DNAJC16: variants seen among roughly 807,000 people sequenced by gnomAD.
DNAJC16 encodes the protein dnaJ homolog subfamily C member 16.
A neutral mutation model predicts 92.7 loss-of-function variants in DNAJC16; 76 were observed. The observed-to-expected ratio is 0.82, with a 90% CI of 0.68 to 0.99. DNAJC16 has a LOEUF of 0.99. Ranked by LOEUF, DNAJC16 falls within the 50% of genes least tolerant of loss-of-function variation. The probability of loss-of-function intolerance (pLI) is 0.00; values close to 1 mark genes in which losing one functional copy is unlikely to be tolerated. For missense variants in DNAJC16, 869 were observed against 942.4 expected, an observed-to-expected ratio of 0.92 and a Z score of 1.02; for synonymous variants, 328 against 358.7, an observed-to-expected ratio of 0.91 and a Z score of 0.97.
intron 11 of DNAJC16, 116 bp from the exon 12 acceptor site, chr1:15,565,803 A>G (rs1438898639): frequency 8.1e-6 from 8 of 991,786 alleles, no homozygotes; most frequent in Non-Finnish European, 1.2e-5. Flanking sequence ...TTTGCCTGAA[A>G]TTAGTAAGCG....
At chr1:15,567,310 GA>G in intron 14 of DNAJC16, 41 bp downstream of exon 14, 2 of 1,578,594 alleles carry the variant, frequency 1.3e-6, no homozygotes, top group South Asian at 1.1e-5. Context: ...GTGTGTGAGA[GA>G]GAGAGAGGCA....
At chr1:15,566,424 G>T in intron 13 of DNAJC16, 1 of 505,930 alleles carries the variant, frequency 2.0e-6, no homozygotes, top group Non-Finnish European at 3.5e-6. Context: ...AGTGTTAGGT[G>T]AGCCAGAAGC....
At chr1:15,540,546 A>G (rs1040563373) in intron 4 of DNAJC16, among the ~76,000 whole-genome samples, 3 of 152,004 alleles carry the variant, frequency 2.0e-5, no homozygotes, top group Admixed American at 2.0e-4. Context: ...CAACTCTGTC[A>G]CCCTGGGACT....
At chr1:15,551,150 G>A (rs560357332) in intron 7 of DNAJC16, among the ~76,000 whole-genome samples, 11 of 152,314 alleles carry the variant, frequency 7.2e-5, no homozygotes, top group African/African-American at 2.4e-4. Context: ...GATTACAGGC[G>A]TGAGCCTCCG....
intron 7 of DNAJC16, among the ~76,000 whole-genome samples, chr1:15,557,042 A>G (rs187826594): frequency 1.7e-4 from 26 of 152,348 alleles, no homozygotes; most frequent in Non-Finnish European, 3.2e-4. Flanking sequence ...ATCCAACAAG[A>G]TTATGATTTC....
intron 5 of DNAJC16, among the ~76,000 whole-genome samples, chr1:15,545,202 A>C (rs1638269346): frequency 6.6e-6 from 1 of 152,206 alleles, no homozygotes; most frequent in Non-Finnish European, 1.5e-5. Flanking sequence ...TTAGGGATCA[A>C]AGTAACTAGG....
intron 3 of DNAJC16, among the ~76,000 whole-genome samples, chr1:15,535,440 A>AG (rs1710756965): frequency 6.6e-6 from 1 of 152,326 alleles, no homozygotes; most frequent in East Asian, 1.9e-4. Context: ...ATTCTTTTGA[A>AG]TGACTGCATT....
At chr1:15,563,404 C>T (rs1570929720) in intron 9 of DNAJC16, among the ~76,000 whole-genome samples, 2 of 151,948 alleles carry the variant, frequency 1.3e-5, no homozygotes, top group Non-Finnish European at 2.9e-5. Flanking sequence ...GCACACCTGT[C>T]TGTAGTCCCA....
intron 4 of DNAJC16, among the ~76,000 whole-genome samples, chr1:15,544,178 A>G (rs1479349884): frequency 6.6e-6 from 1 of 151,760 alleles, no homozygotes; most frequent in Non-Finnish European, 1.5e-5. Context: ...ACACACACAC[A>G]CACACACATT....
chr1:15,529,253 A>G lies in DNAJC16; in HGVS notation c.148A>G (p.Lys50Glu), dbSNP rs773988118. 2 of 1,610,860 alleles carry G rather than the reference A, an allele frequency of 1.2e-6. No homozygotes were observed. Residue 50 changes from lysine (K) to glutamate (E), a missense_variant, in exon 2 of 15, where the codon AAG becomes GAG. Coordinates refer to ENST00000375847, the MANE Select transcript of DNAJC16 (RefSeq NM_015291.4). ...ASQADIKKAY[K>E]KLAREWHPDK... is the part of the protein sequence containing the mutation. ...TCAGGCTGATATTAAAAAGGCTTAT[A>G]AGAAGCTCGCCCGGGAATGGTAGGT...
chr1:15,533,145 T>C (rs1710696866), intron 2 of DNAJC16, among the ~76,000 whole-genome samples: 1 of 152,198 alleles, frequency 6.6e-6, no homozygotes, highest in South Asian at 2.1e-4. Context: ...AAAACACTGA[T>C]TTAGGTCTTA....
At chr1:15,539,977 A>G (rs1035676341) in intron 4 of DNAJC16, among the ~76,000 whole-genome samples, 8 of 151,800 alleles carry the variant, frequency 5.3e-5, no homozygotes, top group African/African-American at 1.9e-4. Context: ...CAGTGAGCCA[A>G]GATCGAGTCA....
At chr1:15,538,135 A>C (rs1269844239) in intron 4 of DNAJC16, among the ~76,000 whole-genome samples, 2 of 152,260 alleles carry the variant, frequency 1.3e-5, no homozygotes, top group Non-Finnish European at 2.9e-5. Flanking sequence ...GGTGGCTCAT[A>C]CCTGTAATCC....
intron 9 of DNAJC16, 49 bp downstream of exon 9, chr1:15,562,374 C>G (rs747023732): frequency 6.6e-7 from 1 of 1,509,490 alleles, no homozygotes; most frequent in Non-Finnish European, 9.0e-7. Context: ...AACCATGTGG[C>G]ACTTGATTCT....
Position 15,552,765 on chromosome 1 carries a change from TA to T in DNAJC16, c.1023+4338del, listed in dbSNP as rs1360008140. On this transcript the variant is annotated intron_variant, in intron 7 of 14. Transcript: ENST00000375847. ...CTGTTATGTGTCTTTTTATTATTAT[TA>T]TTTATTTTTTTTTTTTTTGGAGACA... Among the ~76,000 whole-genome samples the T allele has an allele frequency of 1.3e-4, 19 of 149,540 alleles. 1 individual carries two copies. The highest frequency in any genetic ancestry group is 4.2e-4 in the South Asian group (2 of 4,746).
chr1:15,558,476 T>G (rs1164143326), intron 7 of DNAJC16, among the ~76,000 whole-genome samples: 1 of 152,002 alleles, frequency 6.6e-6, no homozygotes, highest in Non-Finnish European at 1.5e-5. Context: ...AGTGAGCCAC[T>G]GTGCCTGGCC....
intron 7 of DNAJC16, among the ~76,000 whole-genome samples, chr1:15,558,159 C>T (rs990182329): frequency 3.3e-5 from 5 of 150,558 alleles, no homozygotes; most frequent in Non-Finnish European, 7.4e-5. Context: ...GCATGAGCCA[C>T]CATACCCAGC....
chr1:15,553,060 G>A (rs1302522859), intron 7 of DNAJC16, among the ~76,000 whole-genome samples: 4 of 151,556 alleles, frequency 2.6e-5, no homozygotes, highest in South Asian at 2.1e-4. Flanking sequence ...GTGAGCCACC[G>A]CGCCCGGCCT....
chr1:15,545,019 A>T (rs1383886254), intron 5 of DNAJC16, among the ~76,000 whole-genome samples: 1 of 152,218 alleles, frequency 6.6e-6, no homozygotes, highest in African/African-American at 2.4e-5. Context: ...TCTATGGAAA[A>T]TGCCAGATTC....
Sources: allele counts gnomAD v4.1 joint callset (sites outside exome capture counted in the v4.1 genomes callset), GRCh38; gene constraint gnomAD v4.1.1; transcripts MANE v1.5; gene names NCBI Gene and HGNC (gene_info 2026-07-23, HGNC 2026-07-21).